Variants in TMEM135 observed in about 807,000 individuals in gnomAD.
The protein encoded by TMEM135 is peroxisomal membrane protein 52.
TMEM135 carries 30 observed loss-of-function variants against 60.3 expected under a neutral mutation model. The observed-to-expected ratio is 0.50, with a 90% CI of 0.37 to 0.68. The LOEUF is 0.68. TMEM135 is among the 30% of genes least tolerant of loss of function. The pLI, the probability that TMEM135 is intolerant of heterozygous loss-of-function variation, is 0.00. For synonymous variants in TMEM135, 190 were observed against 186.7 expected (o/e 1.02, Z -0.14); for missense variants, 468 against 548.8 (o/e 0.85, Z 1.47).
chr11:87,159,470 G>A (rs1343176168), intron 5 of TMEM135, among the ~76,000 whole-genome samples: 2 of 152,044 alleles, frequency 1.3e-5, no homozygotes, highest in African/African-American at 2.4e-5. Flanking sequence ...ATAGAGTGAT[G>A]TGTAGCATGC....
At chr11:87,269,199 A>G (rs1028558895) in intron 6 of TMEM135, among the ~76,000 whole-genome samples, 2 of 150,518 alleles carry the variant, frequency 1.3e-5, no homozygotes, top group African/African-American at 4.9e-5. Flanking sequence ...CCCCCCTACT[A>G]CACATTGTCC....
At position 87,328,323 on chromosome 11, in the gene TMEM135, T is replaced by C. The variant is rs574584632; in HGVS notation, c.*6990T>C. 4.4e-6 allele frequency: 2 copies of C among 454,110 alleles called. No homozygotes were observed. The highest frequency in any genetic ancestry group is 3.1e-5 in the South Asian group (2 of 64,462). The allele number at this position is 454,110 out of a possible 1,614,324, so 28.1% of individuals were successfully genotyped here. ...CTCATCTTTAAAAAATCTTAGTTGA[T>C]TATGTTTTATGTGTCATTTAATTAA... On this transcript the variant is annotated 3_prime_UTR_variant, in exon 15 of 15. Coordinates refer to ENST00000305494, the MANE Select transcript of TMEM135 (RefSeq NM_022918.4).
Position 87,328,444 on chromosome 11 carries a change from T to G in TMEM135, c.*7111T>G, listed in dbSNP as rs188585223. ...TGTATATTGGTGAAGTCTGAAATTT[T>G]AGTGCACCTGTCACCAGAATAGTGT... is the stretch of plus-strand genomic sequence containing the variant. On this transcript the variant is annotated 3_prime_UTR_variant, in exon 15 of 15. Coordinates refer to ENST00000305494, the MANE Select transcript of TMEM135 (RefSeq NM_022918.4). 1 of 454,110 alleles carries G rather than the reference T, an allele frequency of 2.2e-6. No individual in the cohort carries two copies. Among genetic ancestry groups the G allele is most frequent in the East Asian group, 6.9e-5 (1 of 14,394 alleles). The allele number at this position is 454,110 out of a possible 1,614,324, so 28.1% of individuals were successfully genotyped here.
At chr11:87,252,540 A>C (rs1431358613) in intron 6 of TMEM135, among the ~76,000 whole-genome samples, 1 of 152,146 alleles carries the variant, frequency 6.6e-6, no homozygotes, top group Non-Finnish European at 1.5e-5. Flanking sequence ...TGGGAGGCTG[A>C]GGCAGGTAGA....
chr11:87,209,136 A>G (rs61552), intron 5 of TMEM135, among the ~76,000 whole-genome samples: 55,793 of 152,118 alleles, frequency 0.37, 12,400 homozygotes, highest in Non-Finnish European at 0.5. Flanking sequence ...TAAAGCAACT[A>G]TATAATCAAG....
intron 1 of TMEM135, among the ~76,000 whole-genome samples, chr11:87,067,192 A>G (rs1856683500): frequency 1.4e-5 from 2 of 147,426 alleles, no homozygotes; most frequent in African/African-American, 4.9e-5. Context: ...CACACTATGT[A>G]TATATATAGT....
chr11:87,246,308 G>A (rs1162186070), intron 6 of TMEM135, among the ~76,000 whole-genome samples: 1 of 149,622 alleles, frequency 6.7e-6, no homozygotes, highest in Non-Finnish European at 1.5e-5. Context: ...TTCAACTTTG[G>A]TGAATCTGAC....
chr11:87,141,501 G>A (rs2135245913), intron 4 of TMEM135, among the ~76,000 whole-genome samples: 1 of 152,238 alleles, frequency 6.6e-6, no homozygotes, highest in South Asian at 2.1e-4. Flanking sequence ...TTTTCTACCT[G>A]CACAGTCATG....
rs1255739693 is a variant in TMEM135 at position 87,309,388 on chromosome 11, A to G, written c.769-117A>G. The G allele has an allele frequency of 7.6e-6, 8 of 1,046,774 alleles. No homozygotes were observed. The African/African-American group carries it at 9.5e-5, about 12-fold the overall frequency. 64.8% of individuals were successfully genotyped at this position (1,046,774 alleles called of 1,614,324 possible). A position where few individuals can be genotyped will look rare whatever the true frequency, so the allele number is the denominator to read the frequency against. On this transcript the variant is annotated intron_variant, in intron 9 of 14. Coordinates refer to ENST00000305494, the MANE Select transcript of TMEM135 (RefSeq NM_022918.4). ...TTTTAAGGCTTTATTTTGCTGTGCT[A>G]TAAACTTAGATTAAATTTGTTTTGT...
rs1028622357 is a variant in TMEM135, at chr11:87,327,989, A to C, written c.*6656A>C. 4.6e-5 allele frequency: 21 copies of C among 453,896 alleles called. No individual in the cohort carries two copies. The highest frequency in any genetic ancestry group is 4.0e-4 in the African/African-American group (20 of 49,982). 28.1% of individuals were successfully genotyped at this position (453,896 alleles called of 1,614,324 possible). On this transcript the variant is annotated 3_prime_UTR_variant, in exon 15 of 15. Coordinates refer to ENST00000305494, the MANE Select transcript of TMEM135 (RefSeq NM_022918.4). ...CTCTGCCTAGTCCACGCTAACTCAC[A>C]TGCCAATCTCCTCTGGAAACACCCT...
At chr11:87,255,997 A>G (rs1941521548) in intron 6 of TMEM135, among the ~76,000 whole-genome samples, 1 of 152,212 alleles carries the variant, frequency 6.6e-6, no homozygotes, top group African/African-American at 2.4e-5. Context: ...TTAACTTTAT[A>G]ATGAAATACA....
intron 4 of TMEM135, among the ~76,000 whole-genome samples, chr11:87,148,139 A>G (rs1938464441): frequency 6.6e-6 from 1 of 152,226 alleles, no homozygotes; most frequent in Non-Finnish European, 1.5e-5. Flanking sequence ...AGTATTAATC[A>G]TCTTAGATGT....
chr11:87,042,580 C>T (rs1260663883), intron 1 of TMEM135, among the ~76,000 whole-genome samples: 4 of 152,146 alleles, frequency 2.6e-5, no homozygotes, highest in Non-Finnish European at 4.4e-5. Context: ...ACTTCTGCTT[C>T]TAAGGCTGCT....
At chr11:87,107,406 C>T (rs1857625139) in intron 4 of TMEM135, among the ~76,000 whole-genome samples, 1 of 151,114 alleles carries the variant, frequency 6.6e-6, no homozygotes, top group East Asian at 2.0e-4. Flanking sequence ...TAATGCTATC[C>T]ATCCCCCCTC....
chr11:87,113,270 T>A (rs1162700487), intron 4 of TMEM135, among the ~76,000 whole-genome samples: 1 of 152,034 alleles, frequency 6.6e-6, no homozygotes, highest in African/African-American at 2.4e-5. Flanking sequence ...TGATCTTGTG[T>A]TTGTGAGGAA....
intron 4 of TMEM135, among the ~76,000 whole-genome samples, chr11:87,105,937 C>A (rs975200214): frequency 1.3e-5 from 2 of 152,168 alleles, no homozygotes; most frequent in Non-Finnish European, 1.5e-5. Flanking sequence ...TCCCTTTCCC[C>A]TACACAGCTT....
chr11:87,157,524 A>G (rs1163494457), intron 5 of TMEM135, 118 bp downstream of exon 5: 6 of 870,774 alleles, frequency 6.9e-6, no homozygotes, highest in Non-Finnish European at 1.1e-5. Context: ...TATCTGATGT[A>G]TATAATATTG....
chr11:87,221,924 A>G (rs1481125658), intron 5 of TMEM135, among the ~76,000 whole-genome samples: 5 of 152,136 alleles, frequency 3.3e-5, no homozygotes, highest in Non-Finnish European at 7.4e-5. Flanking sequence ...GGGGCCCGGC[A>G]CCGTGGTACA....
intron 14 of TMEM135, 141 bp downstream of exon 14, chr11:87,319,518 G>A (rs577697733): frequency 1.5e-6 from 1 of 653,272 alleles, no homozygotes; most frequent in African/African-American, 1.9e-5. Flanking sequence ...GGCGTTTTTT[G>A]AGTGAGCATT....
Sources: gnomAD v4.1 joint callset for allele counts (sites outside exome capture counted in the v4.1 genomes callset) on GRCh38, gnomAD v4.1.1 for gene constraint, MANE v1.5 for transcripts, NCBI Gene and HGNC (gene_info 2026-07-23, HGNC 2026-07-21) for gene names.